TRPV3: variants seen among roughly 807,000 people sequenced by gnomAD.
The protein encoded by TRPV3 is transient receptor potential cation channel subfamily V member 3.
A neutral mutation model predicts 87.1 loss-of-function variants in TRPV3; 88 were observed. That is an observed-to-expected ratio of 1.01 (90% confidence interval 0.85 to 1.21). TRPV3 has a LOEUF of 1.21. Ranked by LOEUF, TRPV3 falls within the 50% of genes most tolerant of loss-of-function variation. TRPV3 has a pLI of 0.00. For missense variants in TRPV3, 1,054 were observed against 1,030.1 expected, an observed-to-expected ratio of 1.02 and a Z score of -0.32; for synonymous variants, 438 against 423.3, an observed-to-expected ratio of 1.03 and a Z score of -0.43.
chr17:3,525,053 T>C (rs888810184), intron 12 of TRPV3, among the ~76,000 whole-genome samples: 6 of 152,202 alleles, frequency 3.9e-5, no homozygotes, highest in Admixed American at 1.3e-4. Context: ...AGGGTCTTGC[T>C]CTGTCACCTA....
intron 14 of TRPV3, among the ~76,000 whole-genome samples, chr17:3,519,324 T>TGGA (rs2074210955): frequency 1.4e-5 from 2 of 146,740 alleles, no homozygotes; most frequent in South Asian, 4.3e-4. Context: ...TGCTGAATGG[T>TGGA]TGGATGGATG....
chr17:3,517,879 C>A (rs2074198632), intron 15 of TRPV3, among the ~76,000 whole-genome samples: 1 of 148,956 alleles, frequency 6.7e-6, no homozygotes, highest in Non-Finnish European at 1.5e-5. Context: ...AGTGCCATGA[C>A]ACAATCTCAA....
chr17:3,536,007 A>G (rs1436233177), intron 6 of TRPV3, among the ~76,000 whole-genome samples: 2 of 152,188 alleles, frequency 1.3e-5, no homozygotes, highest in African/African-American at 4.8e-5. Context: ...GTCACTGAGA[A>G]CGAGGTGCTA....
intron 7 of TRPV3, among the ~76,000 whole-genome samples, 199 bp downstream of exon 7, chr17:3,535,363 ATCCTTCCTGCT>A (rs1418661338): frequency 1.1e-4 from 4 of 36,782 alleles, no homozygotes; most frequent in Non-Finnish European, 1.6e-4. Context: ...TTCCTCCCTC[ATCCTTCCTGCT>A]TCCTTCCTCC....
At chr17:3,542,211 C>A (rs1441830106) in intron 6 of TRPV3, among the ~76,000 whole-genome samples, 1 of 152,236 alleles carries the variant, frequency 6.6e-6, no homozygotes, top group Non-Finnish European at 1.5e-5. Context: ...CCCGCCTCAG[C>A]CTCCCAAAGT....
rs1041933029 is a variant in TRPV3 at position 3,545,001 on chromosome 17, G to A, written c.224+166C>T. 4.6e-5 allele frequency among the ~76,000 whole-genome samples: 7 copies of A among 152,262 alleles called. No homozygotes were observed. The South Asian group carries it at 8.3e-4, about 18-fold the overall frequency. ...TGCACTCCAGCCTGGGCAACAGAGC[G>A]ACATTCCATCTCAAAAAGATAAATA... On this transcript the variant is annotated intron_variant, in intron 3 of 17. Coordinates refer to ENST00000576742, the MANE Select transcript of TRPV3 (RefSeq NM_145068.4).
chr17:3,519,458 T>TGGATGGATGGA (rs1218074296), intron 14 of TRPV3, among the ~76,000 whole-genome samples: 1 of 39,010 alleles, frequency 2.6e-5, no homozygotes, highest in Non-Finnish European at 4.9e-5. Flanking sequence ...GGATAGATGA[T>TGGATGGATGGA]TAGATGGATG....
At position 3,557,790 on chromosome 17, in the gene TRPV3, C is replaced by A. The variant is rs1470392233; in HGVS notation, c.-117G>T. ...GGCGGCGGGAAGCTCTCATTGCAGG[C>A]AGAGGGATGGCTGGAATGAGGCGTC... On this transcript the variant is annotated 5_prime_UTR_variant, in exon 1 of 18. Transcript: ENST00000576742. The surrounding 1 kb of genome is among the most constrained non-coding windows in gnomAD (Gnocchi z 4.5). 6 of 152,318 alleles carry A rather than the reference C, an allele frequency of 3.9e-5. No homozygotes were observed. Among genetic ancestry groups the A allele is most frequent in the African/African-American group, 9.6e-5 (4 of 41,480 alleles). 9.4% of individuals were successfully genotyped at this position (152,318 alleles called of 1,614,324 possible). A position where few individuals can be genotyped will look rare whatever the true frequency, so the allele number is the denominator to read the frequency against.
Position 3,516,545 on chromosome 17 carries a change from C to T in TRPV3, c.2110G>A (p.Glu704Lys). ...CTCAGCCATTCTGGTAACATTTTCT[C>T]AAACTCCAAGATGGTCCTGGCTCTC... ...LQRARTILEF[E>K]KMLPEWLRSR... The change falls in exon 16 of 18, where the codon GAG (glutamate) becomes AAG (lysine). Residue 704 changes from glutamate (E) to lysine (K), a missense_variant. Physicochemically the swap from Glu to Lys is moderately conservative, Grantham distance 56 (BLOSUM62 1). Coordinates refer to ENST00000576742, the MANE Select transcript of TRPV3 (RefSeq NM_145068.4). 1 of 1,614,108 alleles carries T rather than the reference C, an allele frequency of 6.2e-7. No individual in the cohort carries two copies. The highest frequency in any genetic ancestry group is 8.5e-7 in the Non-Finnish European group (1 of 1,179,986).
chr17:3,522,641 G>A (rs941186543), intron 13 of TRPV3, among the ~76,000 whole-genome samples: 4 of 150,256 alleles, frequency 2.7e-5, no homozygotes, highest in African/African-American at 4.9e-5. Flanking sequence ...CCAACATGGC[G>A]AAACCCCATC....
rs2074317227 is a variant in TRPV3, at chr17:3,528,164, AAGG to A, written c.1402-41_1402-39del. 6.5e-7 allele frequency: 1 copy of A among 1,547,564 alleles called. No homozygotes were observed. The highest frequency in any genetic ancestry group is 8.8e-7 in the Non-Finnish European group (1 of 1,131,760). On this transcript the variant is annotated intron_variant, in intron 10 of 17. Transcript: ENST00000576742. This position sits in a 1 kb window ranked among gnomAD's most constrained non-coding sequence, Gnocchi z 4.2. ...AAGAGGGGTGGTCAGTATAGGAAGC[AAGG>A]AGGACAGGGCTGGCACCAACTCTAG... is the stretch of plus-strand genomic sequence containing the variant.
At chr17:3,548,138 A>G (rs1232088818) in intron 2 of TRPV3, among the ~76,000 whole-genome samples, 1 of 152,086 alleles carries the variant, frequency 6.6e-6, no homozygotes, top group African/African-American at 2.4e-5. Context: ...CTCCTAAAGC[A>G]CCTTTGCTGC....
In TRPV3 at chr17:3,546,007, A is replaced by G. The variant is rs1202509364; in HGVS notation, c.120-736T>C. On this transcript the variant is annotated intron_variant, in intron 2 of 17. Transcript: ENST00000576742. Reference sequence around the variant, plus strand: ...TCCGTCTCAAAAAAAAAAAAAAAAAAGAAAGAAAACAGGGAGCACAGGGCC... The same window carrying G: ...TCCGTCTCAAAAAAAAAAAAAAAAAGGAAAGAAAACAGGGAGCACAGGGCC... Among the ~76,000 whole-genome samples, 5 of 137,218 alleles carry G rather than the reference A, an allele frequency of 3.6e-5. No individual in the cohort carries two copies. In the East Asian group the frequency reaches 6.7e-4, roughly 18 times the overall value. The allele number at this position is 137,218 out of a possible 152,430, so 90.0% of individuals were successfully genotyped here.
chr17:3,528,854 G>C lies in TRPV3; in HGVS notation c.1384C>G (p.Arg462Gly). The change falls in exon 10 of 18, where the codon CGC (arginine) becomes GGC (glycine). Residue 462 changes from arginine to glycine, a missense_variant. Coordinates refer to ENST00000576742, the MANE Select transcript of TRPV3 (RefSeq NM_145068.4). This position sits in a 1 kb window ranked among gnomAD's most constrained non-coding sequence, Gnocchi z 4.2. ...NITLTLVSYY[R>G]PREEEAIPHP... ...CCACGTACCTCCTCCTCCCGGGGGCGGTAGTACGAGACGAGGGTCAGGGTG... is the reference window on the plus strand; with the variant it reads ...CCACGTACCTCCTCCTCCCGGGGGCCGTAGTACGAGACGAGGGTCAGGGTG... 6.2e-7 allele frequency: 1 copy of C among 1,614,166 alleles called. No individual in the cohort carries two copies. Among genetic ancestry groups the C allele is most frequent in the Non-Finnish European group, 8.5e-7 (1 of 1,180,024 alleles).
intron 16 of TRPV3, among the ~76,000 whole-genome samples, chr17:3,515,417 T>C (rs1305938514): frequency 1.3e-5 from 2 of 152,070 alleles, no homozygotes; most frequent in East Asian, 1.9e-4. Context: ...TCCCAGCACT[T>C]TGGGAGGCCG....
At chr17:3,526,227 C>A (rs1320593518) in intron 12 of TRPV3, among the ~76,000 whole-genome samples, 3 of 152,118 alleles carry the variant, frequency 2.0e-5, no homozygotes, top group African/African-American at 7.2e-5. Flanking sequence ...CCTGGAATCC[C>A]AGCACTCTGC....
At position 3,524,267 on chromosome 17, in the gene TRPV3, GC is replaced by G. The variant is rs748692554; in HGVS notation, c.1673del (p.Gly558AlafsTer21). The G allele has an allele frequency of 6.2e-6, 10 of 1,614,236 alleles. No individual in the cohort carries two copies. Among genetic ancestry groups the G allele is most frequent in the Non-Finnish European group, 8.5e-6 (10 of 1,180,042 alleles). ...LACLVLAMAL[G>X]WANMLYYTRG... ...GCGTATAGTAGAGCATGTTCGCCCA[GC>G]CCAGGGCCATGGCCAGCACGAGGCA... On this transcript the variant is annotated frameshift_variant, in exon 13 of 18. Coordinates refer to ENST00000576742, the MANE Select transcript of TRPV3 (RefSeq NM_145068.4). LOFTEE classifies it high-confidence loss of function.
rs2150795456 is a variant in TRPV3, at chr17:3,535,700, C to CA, written c.656dup (p.Asn220GlufsTer44). The CA allele has an allele frequency of 6.4e-7, 1 of 1,562,228 alleles. No homozygotes were observed. The highest frequency in any genetic ancestry group is 8.6e-7 in the Non-Finnish European group (1 of 1,156,696). On this transcript the variant is annotated frameshift_variant, in exon 7 of 18. Transcript: ENST00000576742. LOFTEE classifies it high-confidence loss of function. Reference sequence around the variant, plus strand: ...CCTGCCGCCGCTCGATGGCGATGTTCAGCGCCGTCTGCCCTGCGGAGCGGG... The same window carrying CA: ...CCTGCCGCCGCTCGATGGCGATGTTCAAGCGCCGTCTGCCCTGCGGAGCGGG...
At chr17:3,544,466 C>T in intron 4 of TRPV3, 113 bp downstream of exon 4, 1 of 658,492 alleles carries the variant, frequency 1.5e-6, no homozygotes, top group Non-Finnish European at 2.5e-6. Flanking sequence ...CCACTTGTCC[C>T]AATCCCCAGG....
Sources: allele counts gnomAD v4.1 joint callset (sites outside exome capture counted in the v4.1 genomes callset), GRCh38; gene constraint gnomAD v4.1.1; non-coding constraint Gnocchi (gnomAD v3.1); transcripts MANE v1.5; gene names NCBI Gene and HGNC (gene_info 2026-07-23, HGNC 2026-07-21).